Variants in SLC36A4 observed in about 807,000 individuals in gnomAD.
SLC36A4 encodes the protein neutral amino acid uniporter 4.
SLC36A4 carries 49 observed loss-of-function variants against 50.5 expected under a neutral mutation model. That is an observed-to-expected ratio of 0.97 (90% CI 0.77 to 1.23). The LOEUF is 1.23. Among genes scored for constraint, SLC36A4 ranks in the 50% most tolerant of loss-of-function variants. SLC36A4 has a pLI of 0.00. For missense variants in SLC36A4, 611 were observed against 608.4 expected, an observed-to-expected ratio of 1.00 and a Z score of -0.05; for synonymous variants, 207 against 206.5, an observed-to-expected ratio of 1.00 and a Z score of -0.02.
rs530122492 is a variant in SLC36A4, at chr11:93,184,646, C to T, written c.180-126G>A. ...CAAGGAACCAAATAACATTTCCATC[C>T]CACCACTGGGCCAGAAGTCATACTT... On this transcript the variant is annotated intron_variant, in intron 2 of 10. Coordinates refer to ENST00000326402, the MANE Select transcript of SLC36A4 (RefSeq NM_152313.4). 212 of 610,802 alleles carry T rather than the reference C, an allele frequency of 3.5e-4. No individual in the cohort carries two copies. In the Admixed American group the frequency reaches 6.5e-3, roughly 19 times the overall value. The allele number at this position is 610,802 out of a possible 1,614,324, so 37.8% of individuals were successfully genotyped here.
chr11:93,175,346 T>G (rs1221943947), intron 6 of SLC36A4, among the ~76,000 whole-genome samples: 6 of 151,180 alleles, frequency 4.0e-5, no homozygotes, highest in Non-Finnish European at 8.9e-5. Flanking sequence ...CTTTTTTTCT[T>G]TATTAGTCTT....
chr11:93,162,856 T>C lies in SLC36A4; in HGVS notation c.887A>G (p.Gln296Arg). 1 of 1,612,702 alleles carries C rather than the reference T, an allele frequency of 6.2e-7. No homozygotes were observed. Among genetic ancestry groups the C allele is most frequent in the Non-Finnish European group, 8.5e-7 (1 of 1,179,636 alleles). ...GIGVVLPLEN[Q>R]MKESKRFPQA... ...AGGGAAACGCTTTGATTCTTTCATT[T>C]GGTTTTCCAGTGGAAGGACCTAAGA... Residue 296 changes from glutamine (Q) to arginine (R), a missense_variant, in exon 9 of 11, where the codon CAA becomes CGA. Transcript: ENST00000326402.
Position 93,148,620 on chromosome 11 carries a change from G to C in SLC36A4, c.1432C>G (p.Pro478Ala). 6.2e-7 allele frequency: 1 copy of C among 1,612,622 alleles called. No homozygotes were observed. Among genetic ancestry groups the C allele is most frequent in the Non-Finnish European group, 8.5e-7 (1 of 1,179,154 alleles). ...TYITVEEIIYPTPKVVAGTPQ... is the reference protein window; with the variant it reads ...TYITVEEIIYATPKVVAGTPQ... ...GTGCCAGCTACAACTTTGGGAGTAG[G>C]ATAAATAATTTCTTCAACAGTTATA... Residue 478 changes from proline (P) to alanine (A), a missense_variant, in exon 11 of 11, where the codon CCT (proline) becomes GCT (alanine). Pro to Ala is a conservative substitution (Grantham distance 27). Coordinates refer to ENST00000326402, the MANE Select transcript of SLC36A4 (RefSeq NM_152313.4).
At position 93,145,438 on chromosome 11, in the gene SLC36A4, C is replaced by T. The variant is rs2134614306; in HGVS notation, c.*3099G>A. 6.6e-6 allele frequency: 1 copy of T among 152,066 alleles called. No homozygotes were observed. The highest frequency in any genetic ancestry group is 6.6e-5 in the Admixed American group (1 of 15,232). The allele number at this position is 152,066 out of a possible 1,614,324, so 9.4% of individuals were successfully genotyped here. On this transcript the variant is annotated 3_prime_UTR_variant, in exon 11 of 11. Coordinates refer to ENST00000326402, the MANE Select transcript of SLC36A4 (RefSeq NM_152313.4). ...GTTTTTAACCAAGAATACGCTGTAG[C>T]TCTTATTTTCTTAATTGTAAAGAAA...
At chr11:93,181,626 G>C (rs1312464940) in intron 5 of SLC36A4, 65 bp downstream of exon 5, 7 of 1,200,174 alleles carry the variant, frequency 5.8e-6, no homozygotes, top group Non-Finnish European at 7.8e-6. Flanking sequence ...TATATTGTTA[G>C]GTTAAAATAC....
chr11:93,164,380 TA>T (rs1860768789), intron 8 of SLC36A4, among the ~76,000 whole-genome samples: 2 of 152,186 alleles, frequency 1.3e-5, no homozygotes. Context: ...ATTGTAACCA[TA>T]AAATTAGGCC....
chr11:93,185,862 G>A (rs919362775), intron 1 of SLC36A4, 48 bp from the exon 2 acceptor site: 1 of 1,499,056 alleles, frequency 6.7e-7, no homozygotes. Context: ...AAAAAAGTTG[G>A]ATAAAGCTGG....
In SLC36A4 at chr11:93,147,244, C is replaced by T. The variant is rs944043007; in HGVS notation, c.*1293G>A. Reference sequence around the variant, plus strand: ...TCAAGTGATCCTCCCAACTTATCCTCCAGAGTAGCTGGGATTATAAGCACA... The same window carrying T: ...TCAAGTGATCCTCCCAACTTATCCTTCAGAGTAGCTGGGATTATAAGCACA... On this transcript the variant is annotated 3_prime_UTR_variant, in exon 11 of 11. Transcript: ENST00000326402. The T allele has an allele frequency of 3.9e-5, 6 of 152,156 alleles. No individual in the cohort carries two copies. Among genetic ancestry groups the T allele is most frequent in the African/African-American group, 1.2e-4 (5 of 41,432 alleles). The allele number at this position is 152,156 out of a possible 1,614,324, so 9.4% of individuals were successfully genotyped here.
At chr11:93,163,590 T>C (rs1422315583) in intron 8 of SLC36A4, among the ~76,000 whole-genome samples, 3 of 152,162 alleles carry the variant, frequency 2.0e-5, no homozygotes, top group Admixed American at 2.0e-4. Context: ...TTATCACTGG[T>C]GAAGTTAATT....
rs749998603 is a variant in SLC36A4 at position 93,180,916 on chromosome 11, G to A, written c.456-35C>T. 2.0e-5 allele frequency: 27 copies of A among 1,345,286 alleles called. No homozygotes were observed. In the South Asian group the frequency reaches 3.3e-4, roughly 16 times the overall value. 83.3% of individuals were successfully genotyped at this position (1,345,286 alleles called of 1,614,324 possible). On this transcript the variant is annotated intron_variant, in intron 5 of 10. Coordinates refer to ENST00000326402, the MANE Select transcript of SLC36A4 (RefSeq NM_152313.4). ...GATATCCACAAATGAGTATCCAGGA[G>A]AGCTACTGAAATGTCAATATATTTT...
At position 93,154,255 on chromosome 11, in the gene SLC36A4, G is replaced by T. The variant is rs147137520; in HGVS notation, c.1060C>A (p.Leu354Ile). 6.9e-7 allele frequency: 1 copy of T among 1,446,548 alleles called. No individual in the cohort carries two copies. Among genetic ancestry groups the T allele is most frequent in the Non-Finnish European group, 9.2e-7 (1 of 1,092,176 alleles). The allele number at this position is 1,446,548 out of a possible 1,614,324, so 89.6% of individuals were successfully genotyped here. ...DVWLYQSVKI[L>I]YSFGIFVTYS... The stretch of plus-strand genomic sequence containing the variant: ...GTCACAAAAATGCCAAAGGAATATA[G>T]AATTTTCACTGATTGATATAACCTG... Residue 354 changes from leucine to isoleucine, a missense_variant, in exon 10 of 11, where the codon CTA becomes ATA. Coordinates refer to ENST00000326402, the MANE Select transcript of SLC36A4 (RefSeq NM_152313.4).
chr11:93,162,759 A>G lies in SLC36A4; in HGVS notation c.984T>C (p.Cys328=), dbSNP rs756448375. 1.9e-6 allele frequency: 3 copies of G among 1,613,324 alleles called. No individual in the cohort carries two copies. The highest frequency in any genetic ancestry group is 2.2e-5 in the South Asian group (2 of 90,970). The part of the protein sequence containing the change: ...YVTLATLGYM[C]FHDEIKGSIT... ...TGCTGCCTTTGATTTCATCATGGAA[A>G]CACATATATCCTAAAGTAGCTAATG... is the stretch of plus-strand genomic sequence containing the variant. The change falls in exon 9 of 11, where the codon TGT becomes TGC. Residue 328 remains cysteine (C), a synonymous_variant. Coordinates refer to ENST00000326402, the MANE Select transcript of SLC36A4 (RefSeq NM_152313.4).
intron 6 of SLC36A4, among the ~76,000 whole-genome samples, chr11:93,178,095 G>A (rs1262008866): frequency 2.6e-5 from 4 of 152,118 alleles, no homozygotes; most frequent in East Asian, 1.9e-4. Flanking sequence ...CACCAGCCTC[G>A]CTGCCGCCTT....
intron 1 of SLC36A4, among the ~76,000 whole-genome samples, chr11:93,192,604 A>C (rs1016272444): frequency 2.6e-5 from 4 of 152,228 alleles, no homozygotes; most frequent in Non-Finnish European, 5.9e-5. Context: ...TATTTAACTT[A>C]CCTAAAATAT....
chr11:93,157,363 T>A (rs1388791358), intron 9 of SLC36A4, among the ~76,000 whole-genome samples: 1 of 152,204 alleles, frequency 6.6e-6, no homozygotes, highest in Non-Finnish European at 1.5e-5. Context: ...TAAAATAGTT[T>A]TTTCTAGTTC....
In SLC36A4 at chr11:93,181,660, A is replaced by C. The variant is rs1294409018; in HGVS notation, c.455+31T>G. 7.7e-6 allele frequency: 11 copies of C among 1,435,530 alleles called. No individual in the cohort carries two copies. The Admixed American group carries it at 2.3e-4, about 30-fold the overall frequency. The allele number at this position is 1,435,530 out of a possible 1,614,324, so 88.9% of individuals were successfully genotyped here. On this transcript the variant is annotated intron_variant, in intron 5 of 10. Transcript: ENST00000326402. ...ACTTAAAATTAACATAATTTTAACAATCATATATTAATAACAGAGTAAGTA... is the reference window on the plus strand; with the variant it reads ...ACTTAAAATTAACATAATTTTAACACTCATATATTAATAACAGAGTAAGTA...
At chr11:93,179,726 C>T (rs1231009465) in intron 6 of SLC36A4, among the ~76,000 whole-genome samples, 1 of 152,134 alleles carries the variant, frequency 6.6e-6, no homozygotes, top group East Asian at 1.9e-4. Flanking sequence ...ATATAGCATA[C>T]AGGGATAGTC....
At chr11:93,184,005 C>T (rs1861866895) in intron 3 of SLC36A4, among the ~76,000 whole-genome samples, 1 of 152,090 alleles carries the variant, frequency 6.6e-6, no homozygotes, top group Non-Finnish European at 1.5e-5. Flanking sequence ...GCCAACTTTT[C>T]TTAACTGTTA....
intron 1 of SLC36A4, among the ~76,000 whole-genome samples, chr11:93,191,179 T>G (rs2134711768): frequency 6.6e-6 from 1 of 152,304 alleles, no homozygotes; most frequent in Non-Finnish European, 1.5e-5. Flanking sequence ...AAGCTCCAGG[T>G]AATACTATAT....
Sources: allele counts gnomAD v4.1 joint callset (sites outside exome capture counted in the v4.1 genomes callset), GRCh38; gene constraint gnomAD v4.1.1; transcripts MANE v1.5; gene names NCBI Gene and HGNC (gene_info 2026-07-23, HGNC 2026-07-21).